The following KIF3C variants were observed in gnomAD, a reference collection of about 807,000 sequenced individuals.
The protein encoded by KIF3C is kinesin family member 3C, also known as kinesin-like protein KIF3C.
In KIF3C, 12 loss-of-function variants were observed where a neutral mutation model predicts 67.7. The observed-to-expected ratio is 0.18, with a 90% CI of 0.11 to 0.29. The LOEUF (loss-of-function observed/expected upper bound fraction) is 0.29. Ranked by LOEUF, KIF3C falls within the 10% of genes least tolerant of loss-of-function variation. The probability of loss-of-function intolerance (pLI) is 1.00; values close to 1 mark genes in which losing one functional copy is unlikely to be tolerated. For synonymous variants in KIF3C, 393 were observed against 426.2 expected (o/e 0.92, Z 0.96); for missense variants, 789 against 1,059.6 (o/e 0.74, Z 3.55).
At chr2:25,929,690 A>G (rs1005202065) in intron 6 of KIF3C, among the ~76,000 whole-genome samples, 3 of 150,426 alleles carry the variant, frequency 2.0e-5, no homozygotes, top group Non-Finnish European at 4.4e-5. Flanking sequence ...ATCTCGGCTC[A>G]CTGCAACCTC....
intron 1 of KIF3C, among the ~76,000 whole-genome samples, chr2:25,970,260 A>G (rs1341974429): frequency 6.6e-6 from 1 of 152,208 alleles, no homozygotes; most frequent in East Asian, 1.9e-4. Flanking sequence ...ACCACTTTCT[A>G]GGTGTGCGAA....
In KIF3C at chr2:25,958,274, C is replaced by A. The variant is rs1402604485; in HGVS notation, c.1546-1830G>T. Among the ~76,000 whole-genome samples, 1 of 152,170 alleles carries A rather than the reference C, an allele frequency of 6.6e-6. No individual in the cohort carries two copies. The highest frequency in any genetic ancestry group is 1.5e-5 in the Non-Finnish European group (1 of 68,034). ...ACCCCTCTGCCACATGACACCCAGG[C>A]AGATCCACTAAAAACACAACCCTGG... On this transcript the variant is annotated intron_variant, in intron 1 of 7. Coordinates refer to ENST00000264712, the MANE Select transcript of KIF3C (RefSeq NM_002254.8). The surrounding 1 kb of genome is among the most constrained non-coding windows in gnomAD (Gnocchi z 4.5).
chr2:25,927,554 A>T lies in KIF3C; in HGVS notation c.*1424T>A. 1 of 152,132 alleles carries T rather than the reference A, an allele frequency of 6.6e-6. No individual in the cohort carries two copies. The highest frequency in any genetic ancestry group is 1.9e-4 in the East Asian group (1 of 5,196). The allele number at this position is 152,132 out of a possible 1,614,324, so 9.4% of individuals were successfully genotyped here. ...GATGTAAGAAGGGTTCATTTCCTGA[A>T]GGAAAGAGAATAACCCCCGCCACCA... On this transcript the variant is annotated 3_prime_UTR_variant, in exon 8 of 8. Transcript: ENST00000264712.
intron 5 of KIF3C, among the ~76,000 whole-genome samples, chr2:25,934,348 G>C (rs1237961302): frequency 6.6e-6 from 1 of 152,132 alleles, no homozygotes; most frequent in African/African-American, 2.4e-5. Flanking sequence ...GGAGGCCAAA[G>C]TGGGCAGATC....
intron 5 of KIF3C, among the ~76,000 whole-genome samples, chr2:25,939,583 C>CT (rs1663233463): frequency 2.0e-5 from 3 of 152,186 alleles, no homozygotes; most frequent in African/African-American, 7.2e-5. Context: ...CTGGGGTGAA[C>CT]TTTGCCTCTG....
At chr2:25,951,691 T>A (rs751283220) in intron 5 of KIF3C, 98 bp downstream of exon 5, 64 of 737,080 alleles carry the variant, frequency 8.7e-5, no homozygotes, top group Non-Finnish European at 1.4e-4. Flanking sequence ...CCACAAAACA[T>A]CTGTCTCCCT....
chr2:25,954,412 G>A (rs1454455327), intron 3 of KIF3C, 27 bp from the exon 4 acceptor site: 1 of 1,579,214 alleles, frequency 6.3e-7, no homozygotes, highest in South Asian at 1.1e-5. Flanking sequence ...GCCACTCAGA[G>A]GCTGCTTGGT....
intron 4 of KIF3C, among the ~76,000 whole-genome samples, chr2:25,952,569 T>C (rs909953725): frequency 2.6e-5 from 4 of 151,486 alleles, no homozygotes; most frequent in African/African-American, 9.7e-5. Context: ...ATATATTTTT[T>C]TTTTTTTGAG....
chr2:25,963,144 A>ATGTGTG (rs769083088), intron 1 of KIF3C, among the ~76,000 whole-genome samples: 150 of 96,626 alleles, frequency 1.6e-3, no homozygotes, highest in African/African-American at 6.4e-3. Context: ...ATATATGCAT[A>ATGTGTG]TATGTGTGTG....
At position 25,929,975 on chromosome 2, in the gene KIF3C, C is replaced by G; in HGVS notation, c.2095G>C (p.Gly699Arg). Residue 699 changes from glycine (G) to arginine (R), a missense_variant, in exon 6 of 8, where the codon GGG becomes CGG. This residue lies in a region of KIF3C where 648 missense variants were observed against 807.8 expected (regional missense o/e 0.80). Transcript: ENST00000264712. ...CTTACCCTGTACCTGGGGTGGGACCCCATTGCCATGGCAACCCGAGCATAC... is the reference window on the plus strand; with the variant it reads ...CTTACCCTGTACCTGGGGTGGGACCGCATTGCCATGGCAACCCGAGCATAC... ...SQYARVAMAM[G>R]SHPRYRAENI... 1.2e-6 allele frequency: 2 copies of G among 1,613,654 alleles called. No homozygotes were observed. The highest frequency in any genetic ancestry group is 1.7e-6 in the Non-Finnish European group (2 of 1,179,570).
At position 25,962,782 on chromosome 2, in the gene KIF3C, A is replaced by G. The variant is rs1663984510; in HGVS notation, c.1546-6338T>C. On this transcript the variant is annotated intron_variant, in intron 1 of 7. Coordinates refer to ENST00000264712, the MANE Select transcript of KIF3C (RefSeq NM_002254.8). ...AATATATATATAAAATATATGTTAT[A>G]TATATAATATATATTATATAATATA... Among the ~76,000 whole-genome samples, 4 of 95,474 alleles carry G rather than the reference A, an allele frequency of 4.2e-5. No homozygotes were observed. In the South Asian group the frequency reaches 1.0e-3, roughly 24 times the overall value. The allele number at this position is 95,474 out of a possible 152,430, so 62.6% of individuals were successfully genotyped here.
intron 1 of KIF3C, among the ~76,000 whole-genome samples, chr2:25,962,234 C>T (rs569716707): frequency 8.5e-5 from 13 of 152,260 alleles, no homozygotes; most frequent in East Asian, 5.8e-4. Flanking sequence ...TCTGGGGACA[C>T]GTTTTTAACC....
In KIF3C at chr2:25,980,180, T is replaced by C. The variant is rs1372019076; in HGVS notation, c.1545+193A>G. On this transcript the variant is annotated intron_variant, in intron 1 of 7. Coordinates refer to ENST00000264712, the MANE Select transcript of KIF3C (RefSeq NM_002254.8). The surrounding 1 kb of genome is among the most constrained non-coding windows in gnomAD (Gnocchi z 7.6). ...ACGTTGCTTCGTGTGTGTGTGCCTG[T>C]GCATGTACCTGGCAGCCCGGTATCA... Among the ~76,000 whole-genome samples the C allele has an allele frequency of 6.6e-6, 1 of 152,176 alleles. No homozygotes were observed. Among genetic ancestry groups the C allele is most frequent in the African/African-American group, 2.4e-5 (1 of 41,444 alleles).
At chr2:25,948,384 CTCTACAAAAGATAAAAAA>C (rs568699541) in intron 5 of KIF3C, among the ~76,000 whole-genome samples, 1,796 of 151,368 alleles carry the variant, frequency 0.012, 16 homozygotes, top group Non-Finnish European at 0.02. Flanking sequence ...GAGACCCTGT[CTCTACAAAAGATAAAAAA>C]TTTAGCTGGT....
Position 25,951,795 on chromosome 2 carries a change from G to T in KIF3C, c.2000C>A (p.Ala667Asp). ...AGCTGGGTTAGAGACTCACACGCCG[G>T]CTGGCACCAGTGGCTGGAACTTCCA... ...EQWKFQPLVP[A>D]GVSSSQMKKR... Residue 667 changes from alanine to aspartate, a missense_variant, in exon 5 of 8, where the codon GCC (alanine) becomes GAC (aspartate). Physicochemically the swap from Ala to Asp is moderately radical, Grantham distance 126. Transcript: ENST00000264712. The T allele has an allele frequency of 6.2e-7, 1 of 1,611,068 alleles. No individual in the cohort carries two copies.
chr2:25,928,070 T>C lies in KIF3C; in HGVS notation c.*908A>G, dbSNP rs1400571029. On this transcript the variant is annotated 3_prime_UTR_variant, in exon 8 of 8. Coordinates refer to ENST00000264712, the MANE Select transcript of KIF3C (RefSeq NM_002254.8). ...GTAGAATGACATTGACTCCTCCCAC[T>C]GTGAACGGGGTCTAGGCAGCTGCAG... 6.6e-6 allele frequency: 1 copy of C among 152,562 alleles called. No homozygotes were observed. The highest frequency in any genetic ancestry group is 2.4e-5 in the African/African-American group (1 of 41,428). The allele number at this position is 152,562 out of a possible 1,614,324, so 9.5% of individuals were successfully genotyped here. A position where few individuals can be genotyped will look rare whatever the true frequency, so the allele number is the denominator to read the frequency against.
chr2:25,971,976 C>A (rs779599377), intron 1 of KIF3C, among the ~76,000 whole-genome samples: 3 of 147,830 alleles, frequency 2.0e-5, no homozygotes, highest in African/African-American at 5.0e-5. Flanking sequence ...ATCCTCCTAC[C>A]TCACCCTCCC....
At chr2:25,935,768 T>C (rs978086406) in intron 5 of KIF3C, among the ~76,000 whole-genome samples, 2 of 152,168 alleles carry the variant, frequency 1.3e-5, no homozygotes, top group Non-Finnish European at 2.9e-5. Flanking sequence ...AGGAACTTTA[T>C]GTAGTCAATA....
rs142701305 is a variant in KIF3C at position 25,942,003 on chromosome 2, C to T, written c.2006+9786G>A. Reference sequence around the variant, plus strand: ...AGTGAGCCAAGATGATGCCATTGCACCCTAGCCTGGGTGACAGAGTGAGAC... The same window carrying T: ...AGTGAGCCAAGATGATGCCATTGCATCCTAGCCTGGGTGACAGAGTGAGAC... On this transcript the variant is annotated intron_variant, in intron 5 of 7. Transcript: ENST00000264712. Among the ~76,000 whole-genome samples the T allele has an allele frequency of 8.0e-3, 1,221 of 151,878 alleles. 27 individuals are homozygous for T. Among genetic ancestry groups the T allele is most frequent in the East Asian group, 0.04 (208 of 5,166 alleles).
Sources: allele counts gnomAD v4.1 joint callset (sites outside exome capture counted in the v4.1 genomes callset), GRCh38; gene constraint gnomAD v4.1.1; regional missense constraint gnomAD v4.1.1; non-coding constraint Gnocchi (gnomAD v3.1); transcripts MANE v1.5; gene names NCBI Gene and HGNC (gene_info 2026-07-23, HGNC 2026-07-21).